Variants in RASAL2 observed in about 807,000 individuals in gnomAD.
The protein encoded by RASAL2 is ras GTPase-activating protein nGAP.
Under a neutral mutation model 128.9 loss-of-function variants are expected in RASAL2, and 58 were observed. The observed-to-expected ratio is 0.45, with a 90% CI of 0.36 to 0.56. The LOEUF (loss-of-function observed/expected upper bound fraction) is 0.56, where lower values mean the gene tolerates loss of function less well. RASAL2 is among the 20% of genes least tolerant of loss of function. RASAL2 has a pLI of 0.00. For missense variants in RASAL2, 1,360 were observed against 1,601.6 expected (o/e 0.85, Z 2.57); for synonymous variants, 561 against 580.8 (o/e 0.97, Z 0.49).
chr1:178,329,301 G>A (rs1669182041), intron 3 of RASAL2, among the ~76,000 whole-genome samples: 1 of 152,180 alleles, frequency 6.6e-6, no homozygotes, highest in Non-Finnish European at 1.5e-5. Flanking sequence ...CACTGATTAA[G>A]GAACATTTGG....
chr1:178,222,694 G>T (rs1663654646), intron 1 of RASAL2, among the ~76,000 whole-genome samples: 1 of 152,062 alleles, frequency 6.6e-6, no homozygotes, highest in African/African-American at 2.4e-5. Flanking sequence ...TATAAAGCTT[G>T]TTAAGAGCTT....
At chr1:178,123,252 C>T (rs1007133706) in intron 1 of RASAL2, 19 of 152,262 alleles carry the variant, frequency 1.2e-4, no homozygotes, top group Middle Eastern at 6.8e-3. Flanking sequence ...ACGTATTGCT[C>T]ACCTGTTTAA....
chr1:178,277,515 A>G (rs1405079570), intron 1 of RASAL2, among the ~76,000 whole-genome samples: 2 of 152,240 alleles, frequency 1.3e-5, no homozygotes, highest in Non-Finnish European at 2.9e-5. Flanking sequence ...TTTATGAAGT[A>G]ATACTTTTTG....
chr1:178,458,239 G>A lies in RASAL2; in HGVS notation c.2947G>A (p.Glu983Lys). 1.9e-6 allele frequency: 3 copies of A among 1,614,254 alleles called. No individual in the cohort carries two copies. Among genetic ancestry groups the A allele is most frequent in the Non-Finnish European group, 2.5e-6 (3 of 1,180,048 alleles). ...TTTCACTAAACGTAGCACTCAGAGTGAGGACTTCTCCAGGCGGCACACGGT... is the reference window on the plus strand; with the variant it reads ...TTTCACTAAACGTAGCACTCAGAGTAAGGACTTCTCCAGGCGGCACACGGT... ...EDFTKRSTQS[E>K]DFSRRHTVPD... Residue 983 changes from glutamate (E) to lysine (K), a missense_variant, in exon 14 of 18, where the codon GAG becomes AAG. Around this residue, in one of 3 missense-constraint regions of RASAL2, gnomAD observed 741 missense variants for 868.6 expected, o/e 0.85. Transcript: ENST00000367649.
intron 1 of RASAL2, among the ~76,000 whole-genome samples, chr1:178,157,216 A>G (rs1027328613): frequency 2.0e-5 from 3 of 152,190 alleles, no homozygotes; most frequent in African/African-American, 4.8e-5. Context: ...CTTCTGCCCT[A>G]GACCACTGAC....
chr1:178,309,915 T>C (rs1223496111), intron 3 of RASAL2, among the ~76,000 whole-genome samples: 1 of 151,778 alleles, frequency 6.6e-6, no homozygotes, highest in Non-Finnish European at 1.5e-5. Flanking sequence ...ACAGGCATGT[T>C]GGGTGTGGCT....
intron 1 of RASAL2, among the ~76,000 whole-genome samples, chr1:178,171,406 A>C (rs1284781775): frequency 6.6e-6 from 1 of 151,940 alleles, no homozygotes; most frequent in African/African-American, 2.4e-5. Flanking sequence ...CCCACAAAAG[A>C]ATAAAAGTAA....
chr1:178,229,907 CTT>C (rs1663932551), intron 1 of RASAL2, among the ~76,000 whole-genome samples: 1 of 152,138 alleles, frequency 6.6e-6, no homozygotes, highest in Non-Finnish European at 1.5e-5. Context: ...CCTATCAAAG[CTT>C]AGAAAGTTTC....
rs140477133 is a variant in RASAL2 at position 178,437,435 on chromosome 1, G to C, written c.675-1987G>C. On this transcript the variant is annotated intron_variant, in intron 5 of 17. Transcript: ENST00000367649. ...TGTGGCACCGCTATGATTTGGGGTT[G>C]CACTGCCAGGTGGCTCTACCATTGC... Among the ~76,000 whole-genome samples, 800 of 152,236 alleles carry C rather than the reference G, an allele frequency of 5.3e-3. 5 individuals are homozygous for C. The highest frequency in any genetic ancestry group is 0.017 in the Middle Eastern group (5 of 294).
intron 11 of RASAL2, among the ~76,000 whole-genome samples, chr1:178,453,453 A>G (rs898427377): frequency 2.6e-5 from 4 of 151,998 alleles, no homozygotes; most frequent in Non-Finnish European, 5.9e-5. Context: ...CTTGGCAAAT[A>G]TAACAGTTGG....
chr1:178,464,840 T>G (rs1240792433), intron 15 of RASAL2, among the ~76,000 whole-genome samples: 1 of 142,858 alleles, frequency 7.0e-6, no homozygotes, highest in Non-Finnish European at 1.5e-5. Flanking sequence ...TGTTTTTTTT[T>G]TTTTTTTTTT....
intron 1 of RASAL2, among the ~76,000 whole-genome samples, chr1:178,105,120 T>A (rs980019246): frequency 1.3e-5 from 2 of 152,216 alleles, no homozygotes; most frequent in Non-Finnish European, 2.9e-5. Flanking sequence ...TGACCCAGTT[T>A]TATAGCATGG....
chr1:178,292,367 G>A (rs1200717523), intron 2 of RASAL2, among the ~76,000 whole-genome samples: 2 of 152,090 alleles, frequency 1.3e-5, no homozygotes, highest in Non-Finnish European at 2.9e-5. Flanking sequence ...CATGTTTCTT[G>A]TCAGAACTGG....
chr1:178,282,810 A>G (rs1666845376), intron 1 of RASAL2, among the ~76,000 whole-genome samples: 1 of 152,192 alleles, frequency 6.6e-6, no homozygotes, highest in Non-Finnish European at 1.5e-5. Context: ...GCTAATGTGT[A>G]CTTATAAATT....
At chr1:178,370,642 C>G (rs2102515332) in intron 3 of RASAL2, among the ~76,000 whole-genome samples, 1 of 152,224 alleles carries the variant, frequency 6.6e-6, no homozygotes, top group African/African-American at 2.4e-5. Flanking sequence ...AATATTCAGC[C>G]TGGCATCTCC....
At chr1:178,444,656 T>G (rs998834857) in intron 8 of RASAL2, among the ~76,000 whole-genome samples, 2 of 152,254 alleles carry the variant, frequency 1.3e-5, no homozygotes, top group Admixed American at 6.5e-5. Flanking sequence ...GCACCTTTAT[T>G]TCCCCTTATG....
chr1:178,412,890 C>T (rs1674492501), intron 4 of RASAL2, among the ~76,000 whole-genome samples: 1 of 152,056 alleles, frequency 6.6e-6, no homozygotes, highest in East Asian at 1.9e-4. Flanking sequence ...TGAGAAAATT[C>T]CCCTCATTTT....
At chr1:178,228,895 A>C (rs1201941550) in intron 1 of RASAL2, among the ~76,000 whole-genome samples, 1 of 152,198 alleles carries the variant, frequency 6.6e-6, no homozygotes, top group African/African-American at 2.4e-5. Context: ...AAGAGGGAAC[A>C]TTACAGTATT....
intron 3 of RASAL2, among the ~76,000 whole-genome samples, chr1:178,330,793 C>CT (rs1669263306): frequency 6.6e-6 from 1 of 151,950 alleles, no homozygotes; most frequent in Non-Finnish European, 1.5e-5. Flanking sequence ...TCTCATTTTC[C>CT]TTTTTTTCAC....
Sources: allele counts gnomAD v4.1 joint callset (sites outside exome capture counted in the v4.1 genomes callset), GRCh38; gene constraint gnomAD v4.1.1; regional missense constraint gnomAD v4.1.1; transcripts MANE v1.5; gene names NCBI Gene and HGNC (gene_info 2026-07-23, HGNC 2026-07-21).